The following ST6GALNAC3 variants were observed in gnomAD, a reference collection of about 807,000 sequenced individuals.
The protein encoded by ST6GALNAC3 is alpha-N-acetylgalactosaminide alpha-2,6-sialyltransferase 3.
In ST6GALNAC3, 25 loss-of-function variants were observed where a neutral mutation model predicts 32.7. That is an observed-to-expected ratio of 0.76 (90% CI 0.56 to 1.07). The LOEUF (loss-of-function observed/expected upper bound fraction) is 1.07. Among genes scored for constraint, ST6GALNAC3 ranks in the 50% least tolerant of loss-of-function variants. ST6GALNAC3 has a pLI of 0.00. For missense variants in ST6GALNAC3, 355 were observed against 382.4 expected, an observed-to-expected ratio of 0.93 and a Z score of 0.60; for synonymous variants, 129 against 133.1, an observed-to-expected ratio of 0.97 and a Z score of 0.21.
chr1:76,235,692 A>T (rs1054634299), intron 1 of ST6GALNAC3, among the ~76,000 whole-genome samples: 8 of 149,766 alleles, frequency 5.3e-5, no homozygotes, highest in African/African-American at 2.0e-4. Flanking sequence ...TACTAGGGCT[A>T]TGGTAACAAG....
At chr1:76,250,719 G>A (rs375499171) in intron 1 of ST6GALNAC3, among the ~76,000 whole-genome samples, 5 of 152,068 alleles carry the variant, frequency 3.3e-5, no homozygotes, top group African/African-American at 9.7e-5. Flanking sequence ...CCTTCAACAT[G>A]GCTATGAAGC....
intron 1 of ST6GALNAC3, among the ~76,000 whole-genome samples, chr1:76,116,865 G>A (rs988923401): frequency 2.6e-5 from 4 of 152,178 alleles, no homozygotes; most frequent in Non-Finnish European, 5.9e-5. Flanking sequence ...GGAAGTGGAG[G>A]TTGCAGTGAG....
chr1:76,202,306 G>GTGTGTGTACA (rs1654574573), intron 1 of ST6GALNAC3, among the ~76,000 whole-genome samples: 2 of 140,412 alleles, frequency 1.4e-5, no homozygotes, highest in Admixed American at 7.4e-5. Context: ...GTGTGTGTAT[G>GTGTGTGTACA]TACATACACA....
intron 2 of ST6GALNAC3, among the ~76,000 whole-genome samples, chr1:76,355,543 G>C (rs1199352950): frequency 6.6e-6 from 1 of 152,074 alleles, no homozygotes; most frequent in Admixed American, 6.6e-5. Flanking sequence ...ATTTATGCTG[G>C]AACAATTATA....
chr1:76,579,494 A>G (rs1023663973), intron 3 of ST6GALNAC3, among the ~76,000 whole-genome samples: 1 of 152,122 alleles, frequency 6.6e-6, no homozygotes, highest in African/African-American at 2.4e-5. Context: ...TCTCCAGTCA[A>G]TGCAATTATC....
chr1:76,321,602 T>C (rs572974366), intron 2 of ST6GALNAC3, among the ~76,000 whole-genome samples: 7 of 152,302 alleles, frequency 4.6e-5, no homozygotes, highest in African/African-American at 1.7e-4. Flanking sequence ...GGAGTAGTCT[T>C]TCCAAATCTG....
intron 1 of ST6GALNAC3, among the ~76,000 whole-genome samples, chr1:76,222,940 A>G (rs1330633286): frequency 1.3e-5 from 2 of 152,174 alleles, no homozygotes; most frequent in Non-Finnish European, 2.9e-5. Context: ...GAACACTTAT[A>G]CATTGTTTGT....
At chr1:76,393,160 A>C (rs1652694374) in intron 2 of ST6GALNAC3, among the ~76,000 whole-genome samples, 1 of 152,192 alleles carries the variant, frequency 6.6e-6, no homozygotes, top group Non-Finnish European at 1.5e-5. Flanking sequence ...CAAATGTTTT[A>C]AAGTAAACTA....
intron 3 of ST6GALNAC3, among the ~76,000 whole-genome samples, chr1:76,533,776 C>T (rs1211852679): frequency 6.6e-6 from 1 of 152,176 alleles, no homozygotes; most frequent in Non-Finnish European, 1.5e-5. Context: ...AGATGGTTGA[C>T]ATAATCAAAT....
intron 1 of ST6GALNAC3, among the ~76,000 whole-genome samples, chr1:76,141,904 A>T (rs1408211241): frequency 6.6e-6 from 1 of 152,222 alleles, no homozygotes; most frequent in African/African-American, 2.4e-5. Context: ...AGGTTTCAAT[A>T]TACACGTGAA....
intron 3 of ST6GALNAC3, among the ~76,000 whole-genome samples, chr1:76,612,145 G>A (rs895101876): frequency 1.3e-5 from 2 of 151,974 alleles, no homozygotes; most frequent in Non-Finnish European, 2.9e-5. Flanking sequence ...TTTTGTGATT[G>A]TATAGAATAT....
At chr1:76,534,438 G>A (rs1387062096) in intron 3 of ST6GALNAC3, among the ~76,000 whole-genome samples, 1 of 152,020 alleles carries the variant, frequency 6.6e-6, no homozygotes, top group East Asian at 1.9e-4. Flanking sequence ...TGTACACATC[G>A]AGATCCCTCT....
At chr1:76,582,024 G>A (rs761388157) in intron 3 of ST6GALNAC3, among the ~76,000 whole-genome samples, 5 of 151,958 alleles carry the variant, frequency 3.3e-5, no homozygotes, top group Non-Finnish European at 5.9e-5. Flanking sequence ...ATCTTTTTAC[G>A]CCGCTTGTCC....
intron 2 of ST6GALNAC3, among the ~76,000 whole-genome samples, chr1:76,333,855 A>T (rs1310500773): frequency 1.3e-5 from 2 of 152,160 alleles, no homozygotes; most frequent in African/African-American, 4.8e-5. Flanking sequence ...ATATGGACTC[A>T]TTTGTTTCTC....
intron 3 of ST6GALNAC3, among the ~76,000 whole-genome samples, chr1:76,600,391 C>A (rs559332508): frequency 4.6e-5 from 7 of 151,322 alleles, no homozygotes; most frequent in African/African-American, 1.7e-4. Flanking sequence ...GGAAATGGGA[C>A]CGCCTTCACC....
At chr1:76,471,213 A>G (rs1372947744) in intron 3 of ST6GALNAC3, among the ~76,000 whole-genome samples, 1 of 152,090 alleles carries the variant, frequency 6.6e-6, no homozygotes. Flanking sequence ...GTCTTCCTCC[A>G]TGCTAATCAC....
intron 1 of ST6GALNAC3, among the ~76,000 whole-genome samples, chr1:76,166,487 T>C (rs1266286059): frequency 6.6e-6 from 1 of 152,170 alleles, no homozygotes; most frequent in East Asian, 1.9e-4. Context: ...TTTGGGCTCA[T>C]TTTTTGCTTC....
chr1:76,561,302 T>A (rs575259632), intron 3 of ST6GALNAC3, among the ~76,000 whole-genome samples: 3 of 152,124 alleles, frequency 2.0e-5, no homozygotes, highest in African/African-American at 7.2e-5. Flanking sequence ...CCCAATAGGG[T>A]ACAATAGTCA....
intron 3 of ST6GALNAC3, among the ~76,000 whole-genome samples, chr1:76,584,215 G>A (rs1461514414): frequency 6.6e-6 from 1 of 152,158 alleles, no homozygotes; most frequent in Non-Finnish European, 1.5e-5. Flanking sequence ...GGAGCAGTTG[G>A]GATGATGTCA....
Sources: gnomAD v4.1 joint callset for allele counts (sites outside exome capture counted in the v4.1 genomes callset) on GRCh38, gnomAD v4.1.1 for gene constraint, MANE v1.5 for transcripts, NCBI Gene and HGNC (gene_info 2026-07-23, HGNC 2026-07-21) for gene names.